Variants in DGKB observed in about 807,000 individuals in gnomAD.
DGKB encodes 90 kDa diacylglycerol kinase.
Under a neutral mutation model 114.3 loss-of-function variants are expected in DGKB, and 67 were observed. The ratio of observed to expected loss-of-function variants is 0.59; its 90% CI spans 0.48 to 0.72. The LOEUF is 0.72. DGKB is among the 30% of genes least tolerant of loss of function. DGKB has a pLI of 0.00. For missense variants in DGKB, 907 were observed against 975.2 expected (o/e 0.93, Z 0.93); for synonymous variants, 398 against 323.1 (o/e 1.23, Z -2.49).
rs146696805 is a variant in DGKB, at chr7:14,251,855, G to GA, written c.2123-73705dup. Reference sequence around the variant, plus strand: ...TTTCCTGGCCTGCAAGGTTTCTGTTGAAAAATGCACTGAATGTCTTACAGA... The same window carrying GA: ...TTTCCTGGCCTGCAAGGTTTCTGTTGAAAAAATGCACTGAATGTCTTACAGA... On this transcript the variant is annotated intron_variant, in intron 23 of 25. Coordinates refer to ENST00000402815, the MANE Select transcript of DGKB (RefSeq NM_001350709.2). 1.5e-3 allele frequency among the ~76,000 whole-genome samples: 234 copies of GA among 152,094 alleles called. 4 individuals are homozygous for GA. The East Asian group carries it at 0.042, about 28-fold the overall frequency.
intron 1 of DGKB, among the ~76,000 whole-genome samples, chr7:14,871,294 C>A (rs567955524): frequency 6.6e-6 from 1 of 152,134 alleles, no homozygotes; most frequent in East Asian, 1.9e-4. Flanking sequence ...TTTCAAAATA[C>A]ATAATACATT....
At chr7:14,618,001 A>G (rs763658098) in intron 15 of DGKB, among the ~76,000 whole-genome samples, 2 of 151,574 alleles carry the variant, frequency 1.3e-5, no homozygotes, top group Non-Finnish European at 3.0e-5. Flanking sequence ...AAAGGTTGCT[A>G]TAATGCTCAA....
At chr7:14,275,829 C>A (rs936281764) in intron 23 of DGKB, among the ~76,000 whole-genome samples, 53 of 152,086 alleles carry the variant, frequency 3.5e-4, no homozygotes, top group African/African-American at 1.3e-3. Flanking sequence ...ATGATGAGGC[C>A]AAATTTTGGC....
intron 1 of DGKB, among the ~76,000 whole-genome samples, chr7:14,877,568 A>C (rs1587113377): frequency 6.6e-6 from 1 of 152,186 alleles, no homozygotes; most frequent in East Asian, 1.9e-4. Flanking sequence ...AAAACAAAAA[A>C]CAGAAAGAAA....
chr7:14,882,885 GAC>G (rs1854455756), intron 1 of DGKB, among the ~76,000 whole-genome samples: 2 of 151,742 alleles, frequency 1.3e-5, no homozygotes, highest in Admixed American at 1.3e-4. Context: ...TCTGCTGATG[GAC>G]ACTTAGGTTG....
intron 1 of DGKB, among the ~76,000 whole-genome samples, chr7:14,862,051 AACATG>A (rs1263288471): frequency 5.9e-5 from 9 of 152,048 alleles, no homozygotes; most frequent in African/African-American, 2.2e-4. Context: ...ATATTTAGTC[AACATG>A]ATCCATATGA....
chr7:14,899,603 A>C (rs1782662146), intron 1 of DGKB, among the ~76,000 whole-genome samples: 1 of 152,036 alleles, frequency 6.6e-6, no homozygotes, highest in Non-Finnish European at 1.5e-5. Flanking sequence ...CTCTCATATT[A>C]ACTGCATTAT....
At chr7:14,922,971 A>C (rs1411976302) in intron 1 of DGKB, among the ~76,000 whole-genome samples, 1 of 152,230 alleles carries the variant, frequency 6.6e-6, no homozygotes, top group African/African-American at 2.4e-5. Context: ...AGTCTAACTG[A>C]AACTTTGTAT....
chr7:14,778,202 A>G (rs1838501024), intron 2 of DGKB, among the ~76,000 whole-genome samples: 1 of 152,238 alleles, frequency 6.6e-6, no homozygotes, highest in Non-Finnish European at 1.5e-5. Context: ...AGACCTGTGC[A>G]AGTGGGGCAA....
chr7:14,351,236 A>G (rs928094962), intron 21 of DGKB, among the ~76,000 whole-genome samples: 1 of 152,226 alleles, frequency 6.6e-6, no homozygotes, highest in Non-Finnish European at 1.5e-5. Flanking sequence ...TTATAGGGTT[A>G]CTCATTTATT....
intron 17 of DGKB, among the ~76,000 whole-genome samples, chr7:14,598,444 T>TG (rs1802965432): frequency 6.6e-6 from 1 of 152,224 alleles, no homozygotes; most frequent in Non-Finnish European, 1.5e-5. Context: ...ATGATTGCTT[T>TG]GGGGCAGAGA....
chr7:14,471,737 T>G (rs1348487534), intron 21 of DGKB, among the ~76,000 whole-genome samples: 1 of 152,018 alleles, frequency 6.6e-6, no homozygotes, highest in Non-Finnish European at 1.5e-5. Context: ...TTATTGCATT[T>G]TTTGCACTAT....
chr7:14,631,473 G>A (rs1475793446), intron 13 of DGKB, among the ~76,000 whole-genome samples: 1 of 151,898 alleles, frequency 6.6e-6, no homozygotes, highest in African/African-American at 2.4e-5. Context: ...CATAATATAA[G>A]TAGAAAGTAC....
chr7:14,382,975 C>T (rs150261331), intron 21 of DGKB, among the ~76,000 whole-genome samples: 82 of 152,176 alleles, frequency 5.4e-4, no homozygotes, highest in Middle Eastern at 6.8e-3. Flanking sequence ...GGTGTCCAGG[C>T]GAGAAACGGA....
chr7:14,577,028 T>A (rs1799225925), intron 19 of DGKB, among the ~76,000 whole-genome samples: 1 of 152,178 alleles, frequency 6.6e-6, no homozygotes, highest in Non-Finnish European at 1.5e-5. Context: ...TGTTAAATAA[T>A]GATAAGTAAC....
chr7:14,697,787 A>G (rs1028139419), intron 8 of DGKB, among the ~76,000 whole-genome samples: 2 of 149,042 alleles, frequency 1.3e-5, no homozygotes, highest in South Asian at 2.1e-4. Context: ...AGAAAGAAAG[A>G]AAGGAAGGAA....
At position 14,932,223 on chromosome 7, in the gene DGKB, G is replaced by A. The variant is rs555078141; in HGVS notation, c.-188+42473C>T. 1.4e-3 allele frequency among the ~76,000 whole-genome samples: 220 copies of A among 152,196 alleles called. 2 individuals carry two copies. The highest frequency in any genetic ancestry group is 5.2e-3 in the African/African-American group (217 of 41,526). On this transcript the variant is annotated intron_variant, in intron 1 of 4. Coordinates refer to the DGKB transcript ENST00000437998. ...CACTCACTCTCTCTCTCCTGTGGTG[G>A]GGATTTACTCCTGATTCCCAGCCAG...
At chr7:14,547,059 C>T (rs1346561696) in intron 20 of DGKB, among the ~76,000 whole-genome samples, 1 of 152,188 alleles carries the variant, frequency 6.6e-6, no homozygotes, top group Non-Finnish European at 1.5e-5. Context: ...CATAAATTCA[C>T]TGCTCAATAC....
intron 1 of DGKB, among the ~76,000 whole-genome samples, chr7:14,920,780 T>C (rs918844845): frequency 6.6e-6 from 1 of 152,136 alleles, no homozygotes; most frequent in Non-Finnish European, 1.5e-5. Context: ...ATAAGTAAAC[T>C]AGGGTACGTC....
Sources: allele counts gnomAD v4.1 joint callset (sites outside exome capture counted in the v4.1 genomes callset), GRCh38; gene constraint gnomAD v4.1.1; transcripts MANE v1.5; gene names NCBI Gene and HGNC (gene_info 2026-07-23, HGNC 2026-07-21).